Variants in HMCN1 observed in about 807,000 individuals in gnomAD.
The protein encoded by HMCN1 is hemicentin-1.
In HMCN1, 321 loss-of-function variants were observed where a neutral mutation model predicts 625.9. That is an observed-to-expected ratio of 0.51 (90% CI 0.47 to 0.56). HMCN1 has a LOEUF of 0.56. Ranked by LOEUF, HMCN1 falls within the 20% of genes least tolerant of loss-of-function variation. The pLI is 0.00. For missense variants in HMCN1, 6,588 were observed against 6,887.3 expected (o/e 0.96, Z 1.54); for synonymous variants, 2,425 against 2,417.6 (o/e 1.00, Z -0.09).
intron 36 of HMCN1, among the ~76,000 whole-genome samples, chr1:186,032,647 T>C (rs564363015): frequency 6.6e-6 from 1 of 152,184 alleles, no homozygotes; most frequent in South Asian, 2.1e-4. Flanking sequence ...TGCTGAACTG[T>C]GAGTCAATTA....
rs148711584 is a variant in HMCN1, at chr1:186,004,900, A to G, written c.4475+1056A>G. ...TAGGTAGATACTTTACGGCATAATCATATTATGGAACACTGCTCACCAATT... is the reference window on the plus strand; with the variant it reads ...TAGGTAGATACTTTACGGCATAATCGTATTATGGAACACTGCTCACCAATT... On this transcript the variant is annotated intron_variant, in intron 29 of 106. Coordinates refer to ENST00000271588, the MANE Select transcript of HMCN1 (RefSeq NM_031935.3). 1.3e-3 allele frequency among the ~76,000 whole-genome samples: 196 copies of G among 152,254 alleles called. 2 individuals are homozygous for G. The highest frequency in any genetic ancestry group is 4.5e-3 in the African/African-American group (189 of 41,564).
At chr1:185,946,968 A>G (rs1216829471) in intron 11 of HMCN1, among the ~76,000 whole-genome samples, 1 of 152,216 alleles carries the variant, frequency 6.6e-6, no homozygotes, top group African/African-American at 2.4e-5. Context: ...GCACTTATTT[A>G]TCATTAATAT....
At chr1:186,188,546 G>A (rs530526376) in intron 106 of HMCN1, among the ~76,000 whole-genome samples, 74 of 152,246 alleles carry the variant, frequency 4.9e-4, no homozygotes, top group South Asian at 1.9e-3. Flanking sequence ...CTACCATTCT[G>A]TTTTCTCTCT....
At chr1:185,963,338 C>G (rs930225656) in intron 12 of HMCN1, among the ~76,000 whole-genome samples, 1 of 152,112 alleles carries the variant, frequency 6.6e-6, no homozygotes, top group Non-Finnish European at 1.5e-5. Flanking sequence ...GACATTACAT[C>G]TCTAAGGTTT....
intron 1 of HMCN1, among the ~76,000 whole-genome samples, chr1:185,753,713 A>T (rs1654956130): frequency 6.6e-6 from 1 of 152,196 alleles, no homozygotes; most frequent in African/African-American, 2.4e-5. Flanking sequence ...ATGGTTTTTA[A>T]CAAGAATGAG....
chr1:185,786,986 T>G (rs1324034371), intron 1 of HMCN1, among the ~76,000 whole-genome samples: 1 of 152,248 alleles, frequency 6.6e-6, no homozygotes, highest in African/African-American at 2.4e-5. Context: ...ACTTTGTTTT[T>G]CACCATTTTC....
rs1318817069 is a variant in HMCN1, at chr1:186,063,495, AAGGAAG to A, written c.7513+896_7513+901del. Among the ~76,000 whole-genome samples the A allele has an allele frequency of 1.3e-4, 18 of 140,528 alleles. No homozygotes were observed. In the East Asian group the frequency reaches 3.4e-3, roughly 27 times the overall value. 92.2% of individuals were successfully genotyped at this position (140,528 alleles called of 152,430 possible). A position where few individuals can be genotyped will look rare whatever the true frequency, so the allele number is the denominator to read the frequency against. On this transcript the variant is annotated intron_variant, in intron 48 of 106. Transcript: ENST00000271588. ...GAAGGAAGGAAGGAAGGAAGGAAGG[AAGGAAG>A]GAAGGAAGGAAGGGAGTCTTTTCCT... is the stretch of plus-strand genomic sequence containing the variant.
chr1:186,169,832 G>A (rs541035641), intron 100 of HMCN1, among the ~76,000 whole-genome samples: 2 of 152,060 alleles, frequency 1.3e-5, no homozygotes, highest in Admixed American at 6.6e-5. Flanking sequence ...TTGACAATGC[G>A]ATCTAATTAA....
intron 10 of HMCN1, among the ~76,000 whole-genome samples, chr1:185,930,323 T>C (rs1667479852): frequency 2.0e-5 from 3 of 152,172 alleles, no homozygotes; most frequent in South Asian, 2.1e-4. Context: ...AGAGAGGACA[T>C]TTTTTTTCTG....
At chr1:185,755,226 T>C (rs1655057737) in intron 1 of HMCN1, among the ~76,000 whole-genome samples, 1 of 152,248 alleles carries the variant, frequency 6.6e-6, no homozygotes, top group South Asian at 2.1e-4. Flanking sequence ...TTATTCTCTA[T>C]GTTGTAAAGC....
At chr1:185,911,628 G>A in intron 5 of HMCN1, 46 bp from the exon 6 acceptor site, 3 of 1,309,960 alleles carry the variant, frequency 2.3e-6, no homozygotes, top group Non-Finnish European at 3.3e-6. Context: ...AATATACATA[G>A]CTGAGAGAAG....
At chr1:186,110,152 C>T (rs1660808172) in intron 71 of HMCN1, among the ~76,000 whole-genome samples, 1 of 151,920 alleles carries the variant, frequency 6.6e-6, no homozygotes, top group Non-Finnish European at 1.5e-5. Flanking sequence ...CGTATTTCAT[C>T]AAAAAAGGCT....
At position 185,864,537 on chromosome 1, in the gene HMCN1, G is replaced by C. The variant is rs755376220; in HGVS notation, c.407G>C (p.Gly136Ala). The change falls in exon 3 of 107, where the codon GGT becomes GCT. Residue 136 changes from glycine to alanine, a missense_variant. Transcript: ENST00000271588. ...IKIALEISLPGSFIYVFTDAR... is the reference protein window; with the variant it reads ...IKIALEISLPASFIYVFTDAR... Reference sequence around the variant, plus strand: ...ATTGCCTTGGAAATTTCTCTTCCTGGTTCTTTCATCTATGTTTTCACTGAT... The same window carrying C: ...ATTGCCTTGGAAATTTCTCTTCCTGCTTCTTTCATCTATGTTTTCACTGAT... The C allele has an allele frequency of 1.2e-6, 2 of 1,613,986 alleles. No individual in the cohort carries two copies. Among genetic ancestry groups the C allele is most frequent in the Non-Finnish European group, 1.7e-6 (2 of 1,179,954 alleles).
At position 185,987,553 on chromosome 1, in the gene HMCN1, T is replaced by G. The variant is rs1284433265; in HGVS notation, c.3048+9T>G. 2.6e-6 allele frequency: 4 copies of G among 1,530,936 alleles called. No homozygotes were observed. The highest frequency in any genetic ancestry group is 3.6e-6 in the Non-Finnish European group (4 of 1,104,346). 94.8% of individuals were successfully genotyped at this position (1,530,936 alleles called of 1,614,324 possible). On this transcript the variant is annotated intron_variant, in intron 20 of 106. Coordinates refer to ENST00000271588, the MANE Select transcript of HMCN1 (RefSeq NM_031935.3). ...CTGTCATCTGGTCCAAGGTAAATGA[T>G]ACATCTAGTTATATTTCCTGAAGAG...
chr1:186,173,790 T>TG (rs1558281468), intron 102 of HMCN1, among the ~76,000 whole-genome samples: 4 of 152,110 alleles, frequency 2.6e-5, no homozygotes, highest in Non-Finnish European at 4.4e-5. Context: ...ATCAGAAACT[T>TG]TTTAAGAAGC....
chr1:185,780,831 A>T (rs1016943531), intron 1 of HMCN1, among the ~76,000 whole-genome samples: 7 of 152,150 alleles, frequency 4.6e-5, no homozygotes, highest in African/African-American at 1.7e-4. Flanking sequence ...TGTCTCTGCC[A>T]GGCTTTGGTA....
At chr1:186,054,513 G>A (rs1053220457) in intron 44 of HMCN1, among the ~76,000 whole-genome samples, 1 of 151,880 alleles carries the variant, frequency 6.6e-6, no homozygotes, top group Non-Finnish European at 1.5e-5. Context: ...CTGGCACTAG[G>A]ACATTGGATT....
At chr1:186,052,829 T>A in intron 42 of HMCN1, 123 bp from the exon 43 acceptor site, 2 of 830,472 alleles carry the variant, frequency 2.4e-6, no homozygotes, top group South Asian at 1.5e-5. Flanking sequence ...GATGTTGATG[T>A]CAACCTCATA....
intron 91 of HMCN1, 26 bp from the exon 92 acceptor site, chr1:186,145,377 T>C (rs750980691): frequency 6.5e-7 from 1 of 1,528,734 alleles, no homozygotes. Context: ...GGCTCTGTTT[T>C]CATCTCAGAT....
Sources: allele counts gnomAD v4.1 joint callset (sites outside exome capture counted in the v4.1 genomes callset), GRCh38; gene constraint gnomAD v4.1.1; transcripts MANE v1.5; gene names NCBI Gene and HGNC (gene_info 2026-07-23, HGNC 2026-07-21).